The following CYP2C19 variants were observed in gnomAD, a reference collection of about 807,000 sequenced individuals.
CYP2C19 encodes the protein cytochrome P450 family 2 subfamily C member 19.
CYP2C19 carries 59 observed loss-of-function variants against 40.9 expected under a neutral mutation model. That is an observed-to-expected ratio of 1.44 (90% CI 1.17 to 1.79). The LOEUF (loss-of-function observed/expected upper bound fraction) is 1.79, where lower values mean the gene tolerates loss of function less well. Among genes scored for constraint, CYP2C19 ranks in the 40% most tolerant of loss-of-function variants. CYP2C19 has a pLI of 0.00. For synonymous variants in CYP2C19, 253 were observed against 208.7 expected (o/e 1.21, Z -1.83); for missense variants, 754 against 596.9 (o/e 1.26, Z -2.74).
At position 94,842,881 on chromosome 10, in the gene CYP2C19, A is replaced by T; in HGVS notation, c.1006A>T (p.Ser336Cys). ...EIERVIGRNR[S>C]PCMQDRGHMP... The stretch of plus-strand genomic sequence containing the variant: ...TGAACGTGTCATTGGCAGAAACCGG[A>T]GCCCCTGCATGCAGGACAGGGGCCA... The change falls in exon 7 of 9, where the codon AGC becomes TGC. Residue 336 changes from serine (S) to cysteine (C), a missense_variant. By Grantham distance (112) the Ser-to-Cys change is moderately radical. Coordinates refer to ENST00000371321, the MANE Select transcript of CYP2C19 (RefSeq NM_000769.4). 6.2e-7 allele frequency: 1 copy of T among 1,614,182 alleles called. No homozygotes were observed. Among genetic ancestry groups the T allele is most frequent in the South Asian group, 1.1e-5 (1 of 91,082 alleles).
intron 5 of CYP2C19, among the ~76,000 whole-genome samples, chr10:94,794,348 A>C (rs1180557640): frequency 1.3e-5 from 2 of 151,892 alleles, no homozygotes; most frequent in Non-Finnish European, 2.9e-5. Flanking sequence ...CTCACACTCC[A>C]TGGGCTGTAC....
intron 7 of CYP2C19, among the ~76,000 whole-genome samples, chr10:94,849,429 G>C (rs528408207): frequency 1.3e-5 from 2 of 149,084 alleles, no homozygotes; most frequent in Non-Finnish European, 3.0e-5. Context: ...AGTACAAAGA[G>C]AAAAAAAAAG....
intron 5 of CYP2C19, among the ~76,000 whole-genome samples, chr10:94,796,914 T>A (rs113036428): frequency 0.076 from 11,566 of 152,130 alleles, 513 homozygotes; most frequent in South Asian, 0.12. Context: ...GGTTTTCTAG[T>A]TACACAATCA....
intron 5 of CYP2C19, among the ~76,000 whole-genome samples, chr10:94,816,684 C>A (rs549009651): frequency 6.7e-6 from 1 of 149,064 alleles, no homozygotes; most frequent in African/African-American, 2.5e-5. Context: ...CCCACTAACT[C>A]GTCATCTAGC....
intron 5 of CYP2C19, among the ~76,000 whole-genome samples, chr10:94,789,196 T>A (rs188979133): frequency 2.6e-5 from 4 of 152,022 alleles, no homozygotes. Flanking sequence ...TGGGGTTGTT[T>A]TTTTTTCTTT....
chr10:94,850,446 G>C (rs1849635587), intron 8 of CYP2C19, among the ~76,000 whole-genome samples: 4 of 152,136 alleles, frequency 2.6e-5, no homozygotes, highest in Admixed American at 2.6e-4. Flanking sequence ...TCACCCCCTA[G>C]GCTGGGCTTG....
intron 5 of CYP2C19, among the ~76,000 whole-genome samples, chr10:94,820,112 G>T (rs1182570112): frequency 1.3e-5 from 2 of 151,384 alleles, no homozygotes; most frequent in East Asian, 3.9e-4. Context: ...ATGTAATCCA[G>T]CATATAAACA....
At chr10:94,820,193 C>T (rs1346250503) in intron 5 of CYP2C19, among the ~76,000 whole-genome samples, 1 of 151,908 alleles carries the variant, frequency 6.6e-6, no homozygotes, top group Non-Finnish European at 1.5e-5. Context: ...TTCAACAACC[C>T]TTCATGCTAA....
chr10:94,802,691 C>G (rs1023099029), intron 5 of CYP2C19, among the ~76,000 whole-genome samples: 2 of 152,078 alleles, frequency 1.3e-5, no homozygotes, highest in African/African-American at 4.8e-5. Context: ...ATGATCTTTA[C>G]AATTTGGTGT....
intron 1 of CYP2C19, among the ~76,000 whole-genome samples, chr10:94,764,744 T>A (rs575482762): frequency 6.6e-6 from 1 of 152,274 alleles, no homozygotes; most frequent in African/African-American, 2.4e-5. Context: ...TAAGACCATC[T>A]GTAGCTTGAT....
Position 94,852,824 on chromosome 10 carries a change from G to C in CYP2C19, c.1383G>C (p.Leu461=). Residue 461 remains leucine, a synonymous_variant, in exon 9 of 9, where the codon CTG becomes CTC. Transcript: ENST00000371321. ...FILQNFNLKS[L]IDPKDLDTTP... The stretch of plus-strand genomic sequence containing the variant: ...TACAGAACTTTAACCTGAAATCTCT[G>C]ATTGACCCAAAGGACCTTGACACAA... The C allele has an allele frequency of 1.2e-6, 2 of 1,614,026 alleles. No homozygotes were observed. The highest frequency in any genetic ancestry group is 1.7e-6 in the Non-Finnish European group (2 of 1,179,970).
intron 5 of CYP2C19, among the ~76,000 whole-genome samples, chr10:94,817,908 G>A (rs1374828711): frequency 4.6e-5 from 7 of 150,832 alleles, no homozygotes; most frequent in Non-Finnish European, 7.4e-5. Flanking sequence ...AGCTACTTGG[G>A]AGGCTGAGGC....
intron 5 of CYP2C19, among the ~76,000 whole-genome samples, chr10:94,809,533 C>T (rs900944450): frequency 1.3e-5 from 2 of 151,996 alleles, no homozygotes; most frequent in Non-Finnish European, 2.9e-5. Context: ...TTTCTCTCTT[C>T]CTGTTTGAAT....
At chr10:94,824,374 A>G (rs1227601446) in intron 6 of CYP2C19, among the ~76,000 whole-genome samples, 2 of 152,178 alleles carry the variant, frequency 1.3e-5, no homozygotes, top group Non-Finnish European at 2.9e-5. Flanking sequence ...AGAAATAGAA[A>G]CAAGGTCTTT....
chr10:94,853,681 G>A lies in CYP2C19; in HGVS notation c.*767G>A, dbSNP rs976086311. On this transcript the variant is annotated 3_prime_UTR_variant, in exon 9 of 9. Coordinates refer to ENST00000371321, the MANE Select transcript of CYP2C19 (RefSeq NM_000769.4). ...CTGCCTCAGCCTCCTGAGTAGCTGG[G>A]ATTACAGACACGTGCCACCATGCCT... Among the ~76,000 whole-genome samples the A allele has an allele frequency of 2.0e-5, 3 of 151,868 alleles. No homozygotes were observed. The highest frequency in any genetic ancestry group is 7.3e-5 in the African/African-American group (3 of 41,332).
chr10:94,819,145 T>C (rs911308107), intron 5 of CYP2C19, among the ~76,000 whole-genome samples: 3 of 149,548 alleles, frequency 2.0e-5, no homozygotes, highest in African/African-American at 4.9e-5. Context: ...GACTACTGGG[T>C]ATATAACGAA....
At chr10:94,810,490 A>C (rs973388028) in intron 5 of CYP2C19, among the ~76,000 whole-genome samples, 2 of 152,074 alleles carry the variant, frequency 1.3e-5, no homozygotes, top group Admixed American at 6.6e-5. Flanking sequence ...CTCTGGTAGA[A>C]TTCGGCTGTG....
chr10:94,835,453 AG>A (rs1222194821), intron 6 of CYP2C19, among the ~76,000 whole-genome samples: 3 of 152,172 alleles, frequency 2.0e-5, no homozygotes, highest in Non-Finnish European at 4.4e-5. Context: ...TCTCCTGCTG[AG>A]TATTGGGGCT....
chr10:94,851,355 CCTT>C (rs1849651230), intron 8 of CYP2C19, among the ~76,000 whole-genome samples: 2 of 151,858 alleles, frequency 1.3e-5, no homozygotes, highest in Admixed American at 1.3e-4. Context: ...GATGCAATCA[CCTT>C]CTACCAGGTA....
Sources: allele counts gnomAD v4.1 joint callset (sites outside exome capture counted in the v4.1 genomes callset), GRCh38; gene constraint gnomAD v4.1.1; transcripts MANE v1.5; gene names NCBI Gene and HGNC (gene_info 2026-07-23, HGNC 2026-07-21).